PRKG2: variants seen among roughly 807,000 people sequenced by gnomAD.
PRKG2 encodes the protein cGMP-dependent protein kinase 2.
A neutral mutation model predicts 97.2 loss-of-function variants in PRKG2; 33 were observed. The observed-to-expected ratio is 0.34, with a 90% CI of 0.26 to 0.45. PRKG2 has a LOEUF of 0.45. Among genes scored for constraint, PRKG2 ranks in the 20% least tolerant of loss-of-function variants. The pLI, the probability that PRKG2 is intolerant of heterozygous loss-of-function variation, is 1.00. For missense variants in PRKG2, 638 were observed against 900.0 expected (o/e 0.71, Z 3.73); for synonymous variants, 330 against 321.8 (o/e 1.03, Z -0.27).
intron 14 of PRKG2, among the ~76,000 whole-genome samples, chr4:81,118,954 C>T (rs1363357856): frequency 6.6e-6 from 1 of 152,118 alleles, no homozygotes; most frequent in East Asian, 1.9e-4. Context: ...GCCACCACGC[C>T]CAGCTAATTT....
chr4:81,153,900 G>C (rs1407883425), intron 6 of PRKG2, among the ~76,000 whole-genome samples, 179 bp from the exon 7 acceptor site: 1 of 152,154 alleles, frequency 6.6e-6, no homozygotes, highest in African/African-American at 2.4e-5. Flanking sequence ...GCACAGGTCA[G>C]TGGGTGCGCG....
At chr4:81,139,490 G>T (rs1747039265) in intron 12 of PRKG2, among the ~76,000 whole-genome samples, 1 of 152,060 alleles carries the variant, frequency 6.6e-6, no homozygotes, top group Non-Finnish European at 1.5e-5. Context: ...AAAACAGGCT[G>T]GGCGCAGTGG....
chr4:81,212,524 A>C (rs1411294017), intron 1 of PRKG2, among the ~76,000 whole-genome samples: 1 of 152,164 alleles, frequency 6.6e-6, no homozygotes, highest in African/African-American at 2.4e-5. Context: ...GTAAAAGGTA[A>C]TGTCATTGAC....
chr4:81,216,729 T>G (rs1754284408), upstream of PRKG2, among the ~76,000 whole-genome samples: 1 of 152,080 alleles, frequency 6.6e-6, no homozygotes, highest in Non-Finnish European at 1.5e-5. Context: ...TATTCCATTC[T>G]GGATACTCAT....
At chr4:81,191,178 C>T (rs958659549) in intron 2 of PRKG2, among the ~76,000 whole-genome samples, 3 of 152,104 alleles carry the variant, frequency 2.0e-5, no homozygotes, top group Admixed American at 6.5e-5. Context: ...GACTTGGAAC[C>T]AATCCAAATG....
At chr4:81,184,806 T>C (rs1210364376) in intron 2 of PRKG2, among the ~76,000 whole-genome samples, 1 of 152,112 alleles carries the variant, frequency 6.6e-6, no homozygotes, top group Non-Finnish European at 1.5e-5. Context: ...AATGACCTGA[T>C]GAAGCTTAAA....
At chr4:81,125,838 C>T (rs1438220965) in intron 14 of PRKG2, among the ~76,000 whole-genome samples, 7 of 152,170 alleles carry the variant, frequency 4.6e-5, no homozygotes, top group Admixed American at 1.3e-4. Flanking sequence ...TGCCTACTGA[C>T]GTGACTTACT....
Position 81,171,531 on chromosome 4 carries a change from G to T in PRKG2, c.742+160C>A, listed in dbSNP as rs530513156. 2.6e-5 allele frequency among the ~76,000 whole-genome samples: 4 copies of T among 152,164 alleles called. No individual in the cohort carries two copies. In the South Asian group the frequency reaches 8.3e-4, roughly 32 times the overall value. On this transcript the variant is annotated intron_variant, in intron 4 of 18. Transcript: ENST00000264399. ...TTTAGCTTAAATTATATAGGTAAGT[G>T]CTTCAGTATAAATCCCTTAATAGGC...
intron 5 of PRKG2, among the ~76,000 whole-genome samples, chr4:81,169,130 G>A (rs1235647334): frequency 1.3e-5 from 2 of 151,922 alleles, no homozygotes; most frequent in African/African-American, 4.8e-5. Flanking sequence ...CAAAATGAGT[G>A]TGTTCCAAGT....
At chr4:81,200,224 C>T (rs1338146616) in intron 2 of PRKG2, among the ~76,000 whole-genome samples, 2 of 152,180 alleles carry the variant, frequency 1.3e-5, no homozygotes, top group Non-Finnish European at 2.9e-5. Flanking sequence ...GCTATGTGAG[C>T]TCTTCCCTGC....
intron 18 of PRKG2, 26 bp downstream of exon 18, chr4:81,092,358 TAA>T: frequency 6.9e-7 from 1 of 1,442,982 alleles, no homozygotes; most frequent in South Asian, 1.3e-5. Flanking sequence ...GGGAAAAAAA[TAA>T]AAAAGTAATA....
rs185194458 is a variant in PRKG2, at chr4:81,098,105, T to A, written c.2127-5653A>T. ...AAGGCAGACCCACCCGTAATCTCAGTGGGCACAACCTAATTAGCTGCCAGT... is the reference window on the plus strand; with the variant it reads ...AAGGCAGACCCACCCGTAATCTCAGAGGGCACAACCTAATTAGCTGCCAGT... On this transcript the variant is annotated intron_variant, in intron 17 of 18. Transcript: ENST00000264399. Among the ~76,000 whole-genome samples, 7 of 152,256 alleles carry A rather than the reference T, an allele frequency of 4.6e-5. No homozygotes were observed. In the East Asian group the frequency reaches 1.4e-3, roughly 29 times the overall value.
chr4:81,182,482 A>G (rs142580861), intron 2 of PRKG2, among the ~76,000 whole-genome samples: 1 of 152,176 alleles, frequency 6.6e-6, no homozygotes, highest in African/African-American at 2.4e-5. Context: ...AAGCTTTCCT[A>G]CAGACATCAG....
chr4:81,168,891 TATATTATTATTA>T (rs1411311435), intron 5 of PRKG2, among the ~76,000 whole-genome samples: 1 of 151,916 alleles, frequency 6.6e-6, no homozygotes, highest in Non-Finnish European at 1.5e-5. Flanking sequence ...AATAATGTGA[TATATTATTATTA>T]ATATTATTAT....
chr4:81,182,687 G>C (rs1325198297), intron 2 of PRKG2, among the ~76,000 whole-genome samples: 8 of 151,916 alleles, frequency 5.3e-5, no homozygotes, highest in Admixed American at 5.2e-4. Flanking sequence ...ATATCAACAG[G>C]TGATTTCAAC....
At chr4:81,140,776 T>C in intron 11 of PRKG2, 107 bp from the exon 12 acceptor site, 2 of 909,374 alleles carry the variant, frequency 2.2e-6, no homozygotes, top group Non-Finnish European at 1.6e-6. Flanking sequence ...TGGAAGCCCT[T>C]AGCCACTTAT....
At chr4:81,109,636 T>C (rs748477192) in intron 15 of PRKG2, among the ~76,000 whole-genome samples, 6 of 152,128 alleles carry the variant, frequency 3.9e-5, no homozygotes, top group African/African-American at 7.2e-5. Context: ...ATAATCATAA[T>C]AAAAATGTAA....
At chr4:81,154,990 C>T (rs1035277565) in intron 6 of PRKG2, among the ~76,000 whole-genome samples, 10 of 151,700 alleles carry the variant, frequency 6.6e-5, no homozygotes, top group Admixed American at 3.3e-4. Context: ...CCGGCTAACA[C>T]GGTGAAACCC....
chr4:81,196,968 G>A (rs188399341), intron 2 of PRKG2, among the ~76,000 whole-genome samples: 1 of 152,236 alleles, frequency 6.6e-6, no homozygotes, highest in East Asian at 1.9e-4. Context: ...TCTGAAAATC[G>A]AAACGTTTCA....
Sources: gnomAD v4.1 joint callset for allele counts (sites outside exome capture counted in the v4.1 genomes callset) on GRCh38, gnomAD v4.1.1 for gene constraint, MANE v1.5 for transcripts, NCBI Gene and HGNC (gene_info 2026-07-23, HGNC 2026-07-21) for gene names.